Variants in HSD17B3 observed in about 807,000 individuals in gnomAD.
The protein encoded by HSD17B3 is hydroxysteroid 17-beta dehydrogenase 3, also known as 17-beta-hydroxysteroid dehydrogenase type 3.
HSD17B3 carries 29 observed loss-of-function variants against 41.1 expected under a neutral mutation model. That is an observed-to-expected ratio of 0.71 (90% CI 0.53 to 0.96). The LOEUF (loss-of-function observed/expected upper bound fraction) is 0.96, where lower values mean the gene tolerates loss of function less well. Among genes scored for constraint, HSD17B3 ranks in the 40% least tolerant of loss-of-function variants. The pLI, the probability that HSD17B3 is intolerant of heterozygous loss-of-function variation, is 0.00. For synonymous variants in HSD17B3, 126 were observed against 145.6 expected (o/e 0.87, Z 0.97); for missense variants, 323 against 374.6 (o/e 0.86, Z 1.14).
In HSD17B3 at chr9:96,278,250, G is replaced by T. The variant is rs115333227; in HGVS notation, c.201+20166C>A. Among the ~76,000 whole-genome samples the T allele has an allele frequency of 4.2e-3, 644 of 152,048 alleles. 3 individuals are homozygous for T. The highest frequency in any genetic ancestry group is 0.015 in the African/African-American group (624 of 41,468). On this transcript the variant is annotated intron_variant, in intron 2 of 10. Coordinates refer to ENST00000375263, the MANE Select transcript of HSD17B3 (RefSeq NM_000197.2). ...AAATTTGCTAAGAACTGTAAATCTCGTTTTCTCACCCCTCCCAAAAAAGAA... is the reference window on the plus strand; with the variant it reads ...AAATTTGCTAAGAACTGTAAATCTCTTTTTCTCACCCCTCCCAAAAAAGAA...
In HSD17B3 at chr9:96,235,453, C is replaced by T. The variant is rs764170777; in HGVS notation, c.*7G>A. 1.7e-5 allele frequency: 28 copies of T among 1,605,614 alleles called. 1 individual carries two copies. Among genetic ancestry groups the T allele is most frequent in the Admixed American group, 1.7e-4 (10 of 59,752 alleles). Reference sequence around the variant, plus strand: ...GAAAAGGTTGTGCTGGACTCCTCACCGCCTGGCTACCTGACCTTGGTGTTG... The same window carrying T: ...GAAAAGGTTGTGCTGGACTCCTCACTGCCTGGCTACCTGACCTTGGTGTTG... On this transcript the variant is annotated 3_prime_UTR_variant, in exon 11 of 11. Coordinates refer to ENST00000375263, the MANE Select transcript of HSD17B3 (RefSeq NM_000197.2).
chr9:96,297,855 AT>A lies in HSD17B3; in HGVS notation c.201+560del, dbSNP rs544737566. Among the ~76,000 whole-genome samples the A allele has an allele frequency of 3.9e-5, 6 of 152,336 alleles. No individual in the cohort carries two copies. In the South Asian group the frequency reaches 6.2e-4, roughly 16 times the overall value. ...ATAAAACCACATATGTTATAAATGCATTTTTTAAAGTATAATTATCAATCTA... is the reference window on the plus strand; with the variant it reads ...ATAAAACCACATATGTTATAAATGCATTTTTAAAGTATAATTATCAATCTA... On this transcript the variant is annotated intron_variant, in intron 2 of 10. Transcript: ENST00000375263.
chr9:96,298,418 C>G lies in HSD17B3; in HGVS notation c.199G>C (p.Glu67Gln). 1.2e-6 allele frequency: 2 copies of G among 1,613,214 alleles called. No homozygotes were observed. The highest frequency in any genetic ancestry group is 1.7e-6 in the Non-Finnish European group (2 of 1,179,180). Residue 67 changes from glutamate (E) to glutamine (Q), a missense_variant and splice_region_variant, in exon 2 of 11, where the codon GAG (glutamate) becomes CAG (glutamine). Coordinates refer to ENST00000375263, the MANE Select transcript of HSD17B3 (RefSeq NM_000197.2). The stretch of plus-strand genomic sequence containing the variant: ...AAGTCCCCAGGAAGATAGCTTACCT[C>G]GAACGAGTACGCTTTCCCAATTCCA... ...GDGIGKAYSF[E>Q]LAKRGLNVVL... is the part of the protein sequence containing the mutation.
At chr9:96,246,363 C>T (rs1836661992) in intron 7 of HSD17B3, 193 bp downstream of exon 7, 1 of 655,478 alleles carries the variant, frequency 1.5e-6, no homozygotes, top group Non-Finnish European at 2.8e-6. Flanking sequence ...TTCACATGAG[C>T]TTGTCTGTCT....
intron 2 of HSD17B3, among the ~76,000 whole-genome samples, chr9:96,270,953 C>G (rs1163946265): frequency 3.2e-5 from 4 of 124,286 alleles, no homozygotes; most frequent in South Asian, 2.9e-4. Context: ...CAAATCCTCT[C>G]GGGGGGGGGG....
At chr9:96,243,882 T>C (rs879425466) in intron 9 of HSD17B3, among the ~76,000 whole-genome samples, 3 of 152,174 alleles carry the variant, frequency 2.0e-5, no homozygotes, top group East Asian at 1.9e-4. Context: ...CCCTGGTGAC[T>C]AGCCCCTCCC....
At chr9:96,281,197 C>T (rs1033613860) in intron 2 of HSD17B3, among the ~76,000 whole-genome samples, 3 of 152,000 alleles carry the variant, frequency 2.0e-5, no homozygotes, top group Admixed American at 2.0e-4. Context: ...GTGTGAAAAC[C>T]CCCTTCCCAA....
chr9:96,267,508 A>G (rs1826085900), intron 2 of HSD17B3, among the ~76,000 whole-genome samples: 1 of 152,148 alleles, frequency 6.6e-6, no homozygotes, highest in Non-Finnish European at 1.5e-5. Context: ...TAGAGAAGCT[A>G]CTACGTCTAT....
chr9:96,247,310 C>A (rs1235151722), intron 6 of HSD17B3: 3 of 153,030 alleles, frequency 2.0e-5, no homozygotes, highest in African/African-American at 7.2e-5. Context: ...GCCTGGCAGG[C>A]CTGGAGCAGA....
intron 1 of HSD17B3, among the ~76,000 whole-genome samples, chr9:96,300,305 A>ATTTGAAATATAAGGC (rs1554705325): frequency 1.4e-5 from 2 of 145,176 alleles, no homozygotes; most frequent in Admixed American, 7.5e-5. Flanking sequence ...GTCATCCCAA[A>ATTTGAAATATAAGGC]CAATTTCTCA....
rs113190939 is a variant in HSD17B3, at chr9:96,247,640, G to A, written c.490-1050C>T. Among the ~76,000 whole-genome samples, 20 of 152,318 alleles carry A rather than the reference G, an allele frequency of 1.3e-4. 1 individual carries two copies. The highest frequency in any genetic ancestry group is 2.2e-4 in the African/African-American group (9 of 41,574). The stretch of plus-strand genomic sequence containing the variant: ...ATGAGGGGCGAGATAGTGTCAGACC[G>A]CTTTCCGTGAATGACTTCATAGGGA... On this transcript the variant is annotated intron_variant, in intron 6 of 10. Transcript: ENST00000375263.
chr9:96,279,370 C>T (rs1386220570), intron 2 of HSD17B3, among the ~76,000 whole-genome samples: 1 of 152,080 alleles, frequency 6.6e-6, no homozygotes, highest in African/African-American at 2.4e-5. Context: ...GGGGGACTTA[C>T]AGGTCATAGG....
At chr9:96,253,587 T>C (rs182240275) in intron 3 of HSD17B3, among the ~76,000 whole-genome samples, 5 of 152,310 alleles carry the variant, frequency 3.3e-5, no homozygotes, top group East Asian at 3.9e-4. Flanking sequence ...ATCCACTCTC[T>C]GGTCACTCCA....
intron 2 of HSD17B3, among the ~76,000 whole-genome samples, chr9:96,268,111 G>A (rs1050621886): frequency 1.3e-5 from 2 of 152,150 alleles, no homozygotes; most frequent in Non-Finnish European, 2.9e-5. Flanking sequence ...TTTTAGTAGT[G>A]ATGGGGTTTT....
At chr9:96,290,951 C>G (rs1248616373) in intron 2 of HSD17B3, among the ~76,000 whole-genome samples, 1 of 152,162 alleles carries the variant, frequency 6.6e-6, no homozygotes, top group African/African-American at 2.4e-5. Context: ...CAACTGTCTA[C>G]TCCAAGCAAA....
In HSD17B3 at chr9:96,291,506, T is replaced by A. The variant is rs141603088; in HGVS notation, c.201+6910A>T. Among the ~76,000 whole-genome samples the A allele has an allele frequency of 8.3e-3, 1,266 of 151,910 alleles. 18 individuals are homozygous for A. The highest frequency in any genetic ancestry group is 0.013 in the Non-Finnish European group (868 of 67,942). On this transcript the variant is annotated intron_variant, in intron 2 of 10. Coordinates refer to ENST00000375263, the MANE Select transcript of HSD17B3 (RefSeq NM_000197.2). ...CCAAAGATTTAAATAAGATCCAGAG[T>A]CCCATAACGTAAAACCAAAATGTTG... is the stretch of plus-strand genomic sequence containing the variant.
chr9:96,295,539 T>C (rs1353443846), intron 2 of HSD17B3, among the ~76,000 whole-genome samples: 1 of 151,948 alleles, frequency 6.6e-6, no homozygotes, highest in Non-Finnish European at 1.5e-5. Flanking sequence ...TTCACCATGT[T>C]GGCCAGGCTG....
chr9:96,287,506 C>G (rs1275494174), intron 2 of HSD17B3, among the ~76,000 whole-genome samples: 2 of 151,922 alleles, frequency 1.3e-5, no homozygotes, highest in Admixed American at 1.3e-4. Flanking sequence ...GTCAGGAGAT[C>G]AAGACCATCC....
At chr9:96,272,427 A>ATATC (rs1554699303) in intron 2 of HSD17B3, among the ~76,000 whole-genome samples, 6 of 58,010 alleles carry the variant, frequency 1.0e-4, no homozygotes, top group African/African-American at 3.6e-4. Flanking sequence ...ATATATATAT[A>ATATC]TATATATATA....
Sources: allele counts gnomAD v4.1 joint callset (sites outside exome capture counted in the v4.1 genomes callset), GRCh38; gene constraint gnomAD v4.1.1; transcripts MANE v1.5; gene names NCBI Gene and HGNC (gene_info 2026-07-23, HGNC 2026-07-21).